Variants in KIF26B observed in about 807,000 individuals in gnomAD.
KIF26B encodes kinesin-like protein KIF26B.
In KIF26B, 63 loss-of-function variants were observed where a neutral mutation model predicts 151.2. The ratio of observed to expected loss-of-function variants is 0.42; its 90% CI spans 0.34 to 0.51. KIF26B has a LOEUF of 0.51. Ranked by LOEUF, KIF26B falls within the 20% of genes least tolerant of loss-of-function variation. The pLI is 0.07. For synonymous variants in KIF26B, 1,357 were observed against 1,262.1 expected (o/e 1.08, Z -1.59); for missense variants, 2,813 against 2,913.6 (o/e 0.97, Z 0.79).
intron 2 of KIF26B, among the ~76,000 whole-genome samples, chr1:245,305,491 A>T (rs1269746492): frequency 6.6e-6 from 1 of 152,252 alleles, no homozygotes; most frequent in African/African-American, 2.4e-5. Context: ...ACATGAAAAG[A>T]TAATTCAGCA....
At chr1:245,545,598 T>A (rs1351664432) in intron 5 of KIF26B, among the ~76,000 whole-genome samples, 1 of 152,188 alleles carries the variant, frequency 6.6e-6, no homozygotes, top group African/African-American at 2.4e-5. Flanking sequence ...AAAATCAGGA[T>A]TGTAGGCTTA....
At position 245,698,954 on chromosome 1, in the gene KIF26B, G is replaced by A. The variant is rs774064902; in HGVS notation, c.6095G>A (p.Arg2032His). ...CGCCAGCAGAGGATCGCCGAGGTCC[G>A]CGCGAAGTACGAGTGGCTGATGAAG... ...EHRQQRIAEVRAKYEWLMKEL... is the reference protein window; with the variant it reads ...EHRQQRIAEVHAKYEWLMKEL... Residue 2032 changes from arginine to histidine, a missense_variant, in exon 14 of 15, where the codon CGC (arginine) becomes CAC (histidine). Coordinates refer to ENST00000407071, the MANE Select transcript of KIF26B (RefSeq NM_018012.4). The surrounding 1 kb of genome is among the most constrained non-coding windows in gnomAD (Gnocchi z 4.0). 56 of 1,614,022 alleles carry A rather than the reference G, an allele frequency of 3.5e-5. No individual in the cohort carries two copies. The highest frequency in any genetic ancestry group is 8.0e-5 in the African/African-American group (6 of 75,044).
chr1:245,279,537 G>T (rs1287053196), intron 2 of KIF26B, among the ~76,000 whole-genome samples: 1 of 151,840 alleles, frequency 6.6e-6, no homozygotes, highest in Non-Finnish European at 1.5e-5. Context: ...TTCAACTCCT[G>T]GGCTCAAGTG....
At position 245,382,476 on chromosome 1, in the gene KIF26B, C is replaced by T. The variant is rs142534007; in HGVS notation, c.999+15109C>T. On this transcript the variant is annotated intron_variant, in intron 3 of 14. Transcript: ENST00000407071. ...CTAAGATTGCTGTGAAGATTAAGTT[C>T]ATTATTCTAAAAGAAATAAATTGTT... Among the ~76,000 whole-genome samples, 93 of 152,118 alleles carry T rather than the reference C, an allele frequency of 6.1e-4. 1 individual carries two copies. Among genetic ancestry groups the T allele is most frequent in the African/African-American group, 2.2e-3 (93 of 41,492 alleles).
chr1:245,554,069 C>T (rs7519461), intron 5 of KIF26B, among the ~76,000 whole-genome samples: 42,245 of 151,966 alleles, frequency 0.28, 7,212 homozygotes, highest in South Asian at 0.45. Context: ...TGGCTAAGTG[C>T]CTTCTTCCTC....
intron 2 of KIF26B, among the ~76,000 whole-genome samples, chr1:245,334,907 G>A (rs540432477): frequency 4.4e-5 from 5 of 113,444 alleles, no homozygotes; most frequent in African/African-American, 6.7e-5. Flanking sequence ...TAACTGGACC[G>A]AGTCTACACA....
chr1:245,482,749 G>A (rs929681321), intron 4 of KIF26B, among the ~76,000 whole-genome samples: 1 of 151,704 alleles, frequency 6.6e-6, no homozygotes, highest in African/African-American at 2.4e-5. Context: ...TGATGATCAC[G>A]ACTAGTGTTC....
rs1029658206 is a variant in KIF26B at position 245,428,261 on chromosome 1, G to T, written c.1166+8516G>T. On this transcript the variant is annotated intron_variant, in intron 4 of 14. Coordinates refer to ENST00000407071, the MANE Select transcript of KIF26B (RefSeq NM_018012.4). ...GGGACTCTCACTCATGTATATTGAT[G>T]AAGTGAATTTTTAGGAATCATAGTT... Among the ~76,000 whole-genome samples the T allele has an allele frequency of 3.3e-5, 5 of 152,158 alleles. No homozygotes were observed. In the South Asian group the frequency reaches 8.3e-4, roughly 25 times the overall value.
At chr1:245,520,506 A>G (rs971932953) in intron 4 of KIF26B, among the ~76,000 whole-genome samples, 1 of 59,364 alleles carries the variant, frequency 1.7e-5, no homozygotes, top group African/African-American at 7.1e-5. Flanking sequence ...GACAAACACA[A>G]TCTATTCATC....
At chr1:245,420,008 G>A (rs150216990) in intron 4 of KIF26B, among the ~76,000 whole-genome samples, 1 of 152,262 alleles carries the variant, frequency 6.6e-6, no homozygotes, top group Non-Finnish European at 1.5e-5. Context: ...TCCTCCAGTC[G>A]TGACTACCAA....
intron 3 of KIF26B, chr1:245,370,463 A>G (rs934726799): frequency 2.9e-6 from 1 of 339,772 alleles, no homozygotes; most frequent in African/African-American, 2.2e-5. Flanking sequence ...TTGCTACTAT[A>G]AATACAATGC....
chr1:245,208,874 G>C (rs754574607), intron 2 of KIF26B, among the ~76,000 whole-genome samples: 9 of 152,188 alleles, frequency 5.9e-5, no homozygotes, highest in Non-Finnish European at 7.3e-5. Context: ...TGTGTTTACA[G>C]CAAAAACGCT....
In KIF26B at chr1:245,597,187, AT is replaced by A. The variant is rs1172297279; in HGVS notation, c.1351-5385del. On this transcript the variant is annotated intron_variant, in intron 5 of 14. Coordinates refer to ENST00000407071, the MANE Select transcript of KIF26B (RefSeq NM_018012.4). This position sits in a 1 kb window ranked among gnomAD's most constrained non-coding sequence, Gnocchi z 4.6. ...CCTGTCATTATGATGCTAGCTGGTT[AT>A]TTTTCCCATTAGTCGATGCAGTTTT... Among the ~76,000 whole-genome samples the A allele has an allele frequency of 4.6e-5, 7 of 152,034 alleles. No individual in the cohort carries two copies. Among genetic ancestry groups the A allele is most frequent in the African/African-American group, 1.7e-4 (7 of 41,362 alleles).
intron 2 of KIF26B, among the ~76,000 whole-genome samples, chr1:245,172,401 G>A (rs1180900297): frequency 6.6e-6 from 1 of 152,190 alleles, no homozygotes; most frequent in Non-Finnish European, 1.5e-5. Context: ...ATGGAGAGGA[G>A]TTAGTGAGAG....
intron 2 of KIF26B, among the ~76,000 whole-genome samples, chr1:245,212,037 G>T (rs999435480): frequency 6.6e-6 from 1 of 152,112 alleles, no homozygotes; most frequent in Non-Finnish European, 1.5e-5. Flanking sequence ...CTTGAGGAAG[G>T]GTCCCCCCTT....
intron 4 of KIF26B, among the ~76,000 whole-genome samples, chr1:245,466,620 A>G (rs1374833636): frequency 6.6e-6 from 1 of 152,220 alleles, no homozygotes; most frequent in Non-Finnish European, 1.5e-5. Flanking sequence ...TTTCACATGC[A>G]TGCTTTAAAA....
In KIF26B at chr1:245,601,839, C is replaced by T. The variant is rs1225463657; in HGVS notation, c.1351-738C>T. Among the ~76,000 whole-genome samples, 1 of 152,192 alleles carries T rather than the reference C, an allele frequency of 6.6e-6. No homozygotes were observed. The highest frequency in any genetic ancestry group is 1.5e-5 in the Non-Finnish European group (1 of 68,036). On this transcript the variant is annotated intron_variant, in intron 5 of 14. Coordinates refer to ENST00000407071, the MANE Select transcript of KIF26B (RefSeq NM_018012.4). The surrounding 1 kb of genome is among the most constrained non-coding windows in gnomAD (Gnocchi z 4.4). ...AAGGCTGACTGTGCATTTCCATAAG[C>T]ACCTCGCTCGCCTGCAGGACGGGGC...
intron 2 of KIF26B, among the ~76,000 whole-genome samples, chr1:245,224,047 G>A (rs1477149171): frequency 6.6e-6 from 1 of 152,206 alleles, no homozygotes; most frequent in East Asian, 1.9e-4. Flanking sequence ...CACTTTGGGA[G>A]GCTGAGGCGG....
chr1:245,652,084 A>C (rs1168705652), intron 10 of KIF26B, among the ~76,000 whole-genome samples: 1 of 149,318 alleles, frequency 6.7e-6, no homozygotes, highest in African/African-American at 2.5e-5. Flanking sequence ...CATGAAACGG[A>C]GAGGTTCATG....
Sources: gnomAD v4.1 joint callset for allele counts (sites outside exome capture counted in the v4.1 genomes callset) on GRCh38, gnomAD v4.1.1 for gene constraint, Gnocchi (gnomAD v3.1) non-coding constraint, MANE v1.5 for transcripts, NCBI Gene and HGNC (gene_info 2026-07-23, HGNC 2026-07-21) for gene names.